Variants in MAN1A1 observed in about 807,000 individuals in gnomAD.
The protein encoded by MAN1A1 is mannosyl-oligosaccharide 1,2-alpha-mannosidase IA.
MAN1A1 carries 29 observed loss-of-function variants against 70.8 expected under a neutral mutation model. The observed-to-expected ratio is 0.41, with a 90% CI of 0.31 to 0.56. The LOEUF (loss-of-function observed/expected upper bound fraction) is 0.56. Among genes scored for constraint, MAN1A1 ranks in the 20% least tolerant of loss-of-function variants. The pLI, the probability that MAN1A1 is intolerant of heterozygous loss-of-function variation, is 0.29. For synonymous variants in MAN1A1, 349 were observed against 330.1 expected (o/e 1.06, Z -0.62); for missense variants, 747 against 841.3 (o/e 0.89, Z 1.39).
chr6:119,250,675 T>TGC (rs398002706), intron 5 of MAN1A1, among the ~76,000 whole-genome samples: 3,258 of 148,830 alleles, frequency 0.022, 132 homozygotes, highest in African/African-American at 0.077. Flanking sequence ...TGTGTGTGTG[T>TGC]GCGTGTCAGT....
intron 8 of MAN1A1, among the ~76,000 whole-genome samples, chr6:119,198,333 T>C (rs574920219): frequency 1.3e-5 from 2 of 152,282 alleles, no homozygotes; most frequent in African/African-American, 2.4e-5. Context: ...GAGGTTGCAG[T>C]GAGCTGAGGC....
At chr6:119,191,593 TA>T (rs1362781542) in intron 9 of MAN1A1, among the ~76,000 whole-genome samples, 1 of 152,188 alleles carries the variant, frequency 6.6e-6, no homozygotes, top group African/African-American at 2.4e-5. Flanking sequence ...ATAATTGATT[TA>T]AAAAACTGGT....
intron 11 of MAN1A1, among the ~76,000 whole-genome samples, chr6:119,181,804 T>C (rs961371789): frequency 4.6e-5 from 7 of 152,224 alleles, no homozygotes; most frequent in Admixed American, 1.3e-4. Flanking sequence ...TGTTTTGATA[T>C]ACACTACTTC....
intron 4 of MAN1A1, among the ~76,000 whole-genome samples, chr6:119,298,271 T>C (rs1211231436): frequency 2.6e-5 from 4 of 152,224 alleles, no homozygotes; most frequent in African/African-American, 9.6e-5. Flanking sequence ...TCCTTGTTCC[T>C]TACTCCCCAG....
intron 6 of MAN1A1, among the ~76,000 whole-genome samples, chr6:119,236,727 A>G (rs62418824): frequency 5.7e-4 from 81 of 142,314 alleles, no homozygotes; most frequent in Middle Eastern, 3.6e-3. Flanking sequence ...AAAAAAAAAA[A>G]GGAATTTTGA....
At position 119,261,772 on chromosome 6, in the gene MAN1A1, T is replaced by C. The variant is rs78767670; in HGVS notation, c.898-13418A>G. On this transcript the variant is annotated intron_variant, in intron 5 of 12. Coordinates refer to ENST00000368468, the MANE Select transcript of MAN1A1 (RefSeq NM_005907.4). ...ATAAAACTGACTTTACCCAATATGA[T>C]TTATGTACATTACATGTATATGTTT... Among the ~76,000 whole-genome samples the C allele has an allele frequency of 5.0e-3, 766 of 152,296 alleles. 3 individuals carry two copies. The highest frequency in any genetic ancestry group is 0.031 in the Middle Eastern group (9 of 294).
intron 7 of MAN1A1, among the ~76,000 whole-genome samples, chr6:119,204,103 C>T (rs905081965): frequency 1.3e-5 from 2 of 152,070 alleles, no homozygotes; most frequent in Non-Finnish European, 2.9e-5. Context: ...ATCTCAGGAA[C>T]GAAGAACTGA....
chr6:119,318,220 C>T (rs1772907585), intron 2 of MAN1A1, among the ~76,000 whole-genome samples: 1 of 152,196 alleles, frequency 6.6e-6, no homozygotes, highest in African/African-American at 2.4e-5. Context: ...ACAGAAATAG[C>T]ATTTACTGAA....
At chr6:119,298,307 G>A (rs1191639634) in intron 4 of MAN1A1, among the ~76,000 whole-genome samples, 1 of 152,054 alleles carries the variant, frequency 6.6e-6, no homozygotes, top group Non-Finnish European at 1.5e-5. Context: ...CTTATTTTAA[G>A]CCAGATATTA....
At chr6:119,268,615 C>T (rs956369222) in intron 5 of MAN1A1, among the ~76,000 whole-genome samples, 3 of 151,894 alleles carry the variant, frequency 2.0e-5, no homozygotes, top group African/African-American at 7.3e-5. Context: ...GAGACAGGGT[C>T]TCACTCTGTC....
chr6:119,188,660 C>T, intron 10 of MAN1A1, 83 bp from the exon 11 acceptor site: 10 of 1,248,162 alleles, frequency 8.0e-6, no homozygotes, highest in South Asian at 1.4e-5. Context: ...CTAGAAAGTA[C>T]AGTCATCCCT....
chr6:119,349,826 G>A, upstream of MAN1A1: 1 of 901,518 alleles, frequency 1.1e-6, no homozygotes, highest in Non-Finnish European at 1.3e-6. Context: ...GAGTGACGGC[G>A]CGGCCGGGCC....
chr6:119,285,137 C>CT (rs1554211815), intron 5 of MAN1A1, among the ~76,000 whole-genome samples: 2,200 of 70,262 alleles, frequency 0.031, 51 homozygotes, highest in African/African-American at 0.1. Context: ...AGGTAGCAGA[C>CT]TTTTTTTTTT....
At chr6:119,180,260 A>G in intron 12 of MAN1A1, 52 bp downstream of exon 12, 5 of 1,228,178 alleles carry the variant, frequency 4.1e-6, no homozygotes, top group South Asian at 2.5e-5. Flanking sequence ...GACATCTACA[A>G]AGATCTGTTC....
At chr6:119,217,480 C>T (rs1247914727) in intron 6 of MAN1A1, among the ~76,000 whole-genome samples, 1 of 152,144 alleles carries the variant, frequency 6.6e-6, no homozygotes, top group Non-Finnish European at 1.5e-5. Flanking sequence ...CAGGGTTTCA[C>T]CATGTTGGCC....
intron 11 of MAN1A1, among the ~76,000 whole-genome samples, chr6:119,186,049 G>A (rs561116069): frequency 3.9e-4 from 59 of 152,070 alleles, no homozygotes; most frequent in African/African-American, 1.2e-3. Context: ...TGCTGTCTTC[G>A]GATAATTGAG....
intron 5 of MAN1A1, among the ~76,000 whole-genome samples, chr6:119,260,173 T>A (rs1343710232): frequency 1.3e-5 from 2 of 152,224 alleles, no homozygotes; most frequent in Non-Finnish European, 2.9e-5. Flanking sequence ...TTATTTTTAA[T>A]AATCCTTTAA....
At chr6:119,205,011 T>A in intron 6 of MAN1A1, 129 bp from the exon 7 acceptor site, 1 of 884,854 alleles carries the variant, frequency 1.1e-6, no homozygotes, top group Non-Finnish European at 1.6e-6. Context: ...CTAGATATTA[T>A]AAAACCAAGC....
chr6:119,258,782 C>T (rs190461477), intron 5 of MAN1A1, among the ~76,000 whole-genome samples: 11 of 151,876 alleles, frequency 7.2e-5, no homozygotes, highest in Non-Finnish European at 1.0e-4. Flanking sequence ...TTTTATGATT[C>T]GGTGAAATGT....
Sources: allele counts gnomAD v4.1 joint callset (sites outside exome capture counted in the v4.1 genomes callset), GRCh38; gene constraint gnomAD v4.1.1; transcripts MANE v1.5; gene names NCBI Gene and HGNC (gene_info 2026-07-23, HGNC 2026-07-21).